RASGRP3: variants seen among roughly 807,000 people sequenced by gnomAD.
The protein encoded by RASGRP3 is ras guanyl-releasing protein 3.
RASGRP3 carries 54 observed loss-of-function variants against 82.7 expected under a neutral mutation model. The observed-to-expected ratio is 0.65, with a 90% CI of 0.52 to 0.82. The LOEUF is 0.82. RASGRP3 is among the 40% of genes least tolerant of loss of function. The pLI, the probability that RASGRP3 is intolerant of heterozygous loss-of-function variation, is 0.00. For missense variants in RASGRP3, 861 were observed against 828.9 expected (o/e 1.04, Z -0.48); for synonymous variants, 309 against 300.5 (o/e 1.03, Z -0.29).
intron 2 of RASGRP3, among the ~76,000 whole-genome samples, chr2:33,453,912 T>C (rs1665918549): frequency 6.6e-6 from 1 of 152,216 alleles, no homozygotes; most frequent in African/African-American, 2.4e-5. Context: ...TTTTTTGGGT[T>C]AAACAAGAGA....
intron 7 of RASGRP3, among the ~76,000 whole-genome samples, chr2:33,522,545 AGGTTGTT>A (rs1452982362): frequency 6.6e-6 from 1 of 152,220 alleles, no homozygotes; most frequent in Non-Finnish European, 1.5e-5. Flanking sequence ...TCTCAACATC[AGGTTGTT>A]TCTTTCCCAG....
rs188309107 is a variant in RASGRP3 at position 33,446,390 on chromosome 2, C to T, written c.-384-1430C>T. ...GCCAGGATGGTCTCGATCTCCTGACCTCATGATCCACCCGCCTCGGCCTCC... is the reference window on the plus strand; with the variant it reads ...GCCAGGATGGTCTCGATCTCCTGACTTCATGATCCACCCGCCTCGGCCTCC... On this transcript the variant is annotated intron_variant, in intron 1 of 18. Transcript: ENST00000402538. Among the ~76,000 whole-genome samples the T allele has an allele frequency of 1.1e-3, 171 of 152,254 alleles. 2 individuals are homozygous for T. The highest frequency in any genetic ancestry group is 3.9e-3 in the African/African-American group (162 of 41,558).
chr2:33,549,336 CCACAT>C (rs1675147767), intron 13 of RASGRP3, among the ~76,000 whole-genome samples: 1 of 135,872 alleles, frequency 7.4e-6, no homozygotes, highest in South Asian at 2.3e-4. Flanking sequence ...GGTGCACAGG[CCACAT>C]GTGTGCTTAC....
rs1676304504 is a variant in RASGRP3, at chr2:33,558,782, C to T, written c.1816C>T (p.Gln606Ter). The change falls in exon 17 of 18, where the codon CAG (glutamine) becomes TAG (stop). Residue 606 changes from glutamine (Q) to a stop codon, truncating the protein, a stop_gained. Transcript: ENST00000403687. LOFTEE classifies it high-confidence loss of function. ...GSSRKISVRL[Q>*]RATTSQATQT... is the part of the protein sequence containing the mutation. The stretch of plus-strand genomic sequence containing the variant: ...TTCTCGCAAGATCTCTGTGAGGCTA[C>T]AGAGGGCCACCACCAGCCAGGCCAC... 1 of 1,613,862 alleles carries T rather than the reference C, an allele frequency of 6.2e-7. No homozygotes were observed. The highest frequency in any genetic ancestry group is 1.1e-5 in the South Asian group (1 of 91,082).
intron 2 of RASGRP3, among the ~76,000 whole-genome samples, chr2:33,463,611 T>G (rs1666503261): frequency 6.9e-6 from 1 of 145,150 alleles, no homozygotes; most frequent in African/African-American, 2.7e-5. Context: ...TTTTTTTTTT[T>G]TTTTTGAGAC....
In RASGRP3 at chr2:33,530,587, G is replaced by A. The variant is rs551650529; in HGVS notation, c.1083+3175G>A. On this transcript the variant is annotated intron_variant, in intron 10 of 17. Coordinates refer to ENST00000403687, the MANE Select transcript of RASGRP3 (RefSeq NM_001139488.2). Reference sequence around the variant, plus strand: ...AAACTTCTGCATCCCAGCCTGGGCCGGGTTCCCCTCAAATGGACATTTGCT... The same window carrying A: ...AAACTTCTGCATCCCAGCCTGGGCCAGGTTCCCCTCAAATGGACATTTGCT... 5.9e-4 allele frequency among the ~76,000 whole-genome samples: 89 copies of A among 151,092 alleles called. 1 individual carries two copies. The highest frequency in any genetic ancestry group is 4.9e-3 in the Admixed American group (75 of 15,184).
At chr2:33,561,409 G>T (rs1047036631) in intron 17 of RASGRP3, among the ~76,000 whole-genome samples, 18 of 152,108 alleles carry the variant, frequency 1.2e-4, no homozygotes, top group African/African-American at 4.3e-4. Context: ...CACTGACCAC[G>T]AGTATTTAAT....
At chr2:33,451,108 C>T (rs1665776716) in intron 2 of RASGRP3, among the ~76,000 whole-genome samples, 1 of 151,982 alleles carries the variant, frequency 6.6e-6, no homozygotes, top group Non-Finnish European at 1.5e-5. Context: ...TCGTGATCTG[C>T]CCGCCTCAGC....
At chr2:33,453,312 G>T (rs539186123) in intron 2 of RASGRP3, among the ~76,000 whole-genome samples, 29 of 152,278 alleles carry the variant, frequency 1.9e-4, no homozygotes, top group East Asian at 1.9e-4. Context: ...AAGGGTTTTT[G>T]ATCTCAACTG....
At chr2:33,531,682 CT>C (rs1673119741) in intron 10 of RASGRP3, 1 of 152,252 alleles carries the variant, frequency 6.6e-6, no homozygotes. Context: ...GCTCACACTA[CT>C]AATAAGCAGA....
chr2:33,466,679 C>CA (rs35826724), intron 2 of RASGRP3, among the ~76,000 whole-genome samples: 16,266 of 137,378 alleles, frequency 0.12, 1,041 homozygotes, highest in Admixed American at 0.2. Flanking sequence ...AACTCTGTAT[C>CA]AAAAAAAAAA....
chr2:33,472,305 G>A (rs368728470), upstream of RASGRP3, among the ~76,000 whole-genome samples: 51 of 152,292 alleles, frequency 3.3e-4, no homozygotes, highest in East Asian at 1.2e-3. Flanking sequence ...CAACCGCAGC[G>A]AAATGTACAA....
At chr2:33,528,187 G>T (rs113773832) in intron 10 of RASGRP3, among the ~76,000 whole-genome samples, 1 of 152,058 alleles carries the variant, frequency 6.6e-6, no homozygotes, top group Non-Finnish European at 1.5e-5. Flanking sequence ...CTCTTTATTC[G>T]ATTTTTATCT....
chr2:33,538,744 T>C (rs1191570118), intron 11 of RASGRP3, among the ~76,000 whole-genome samples: 1 of 152,026 alleles, frequency 6.6e-6, no homozygotes, highest in Non-Finnish European at 1.5e-5. Context: ...CCCCAGTTAA[T>C]GTTGAAAAAT....
chr2:33,536,385 T>C (rs1222293428), intron 11 of RASGRP3, among the ~76,000 whole-genome samples: 3 of 150,492 alleles, frequency 2.0e-5, no homozygotes, highest in Non-Finnish European at 4.4e-5. Flanking sequence ...AGAGTAGGTA[T>C]CTCACTCGGA....
chr2:33,523,873 TC>T lies in RASGRP3; in HGVS notation c.517-4del, dbSNP rs762256326. ...AATTCAGAGTCTCTGAATCTTCCTTTCCTAGTTCACTGATTACCAAAGCTAT... is the reference window on the plus strand; with the variant it reads ...AATTCAGAGTCTCTGAATCTTCCTTTCTAGTTCACTGATTACCAAAGCTAT... On this transcript the variant is annotated splice_region_variant and splice_polypyrimidine_tract_variant and intron_variant, in intron 7 of 17. Transcript: ENST00000403687. 2 of 1,604,914 alleles carry T rather than the reference TC, an allele frequency of 1.2e-6. No individual in the cohort carries two copies. The highest frequency in any genetic ancestry group is 8.5e-7 in the Non-Finnish European group (1 of 1,174,068).
At chr2:33,477,589 C>CA (rs1667492259) in intron 1 of RASGRP3, among the ~76,000 whole-genome samples, 2 of 152,346 alleles carry the variant, frequency 1.3e-5, no homozygotes, top group South Asian at 4.1e-4. Flanking sequence ...TTCTCAGGTT[C>CA]ATTCAGCAGT....
chr2:33,509,809 CTGT>C (rs1670760719), intron 1 of RASGRP3, among the ~76,000 whole-genome samples: 1 of 152,190 alleles, frequency 6.6e-6, no homozygotes, highest in Admixed American at 6.5e-5. Flanking sequence ...CTCTAGTATT[CTGT>C]TCGGTGTCTG....
intron 9 of RASGRP3, among the ~76,000 whole-genome samples, chr2:33,525,512 T>C (rs1226916063): frequency 6.6e-6 from 1 of 151,898 alleles, no homozygotes; most frequent in Non-Finnish European, 1.5e-5. Flanking sequence ...AAGGACACTT[T>C]TAGCTGTGAG....
Sources: allele counts gnomAD v4.1 joint callset (sites outside exome capture counted in the v4.1 genomes callset), GRCh38; gene constraint gnomAD v4.1.1; transcripts MANE v1.5; gene names NCBI Gene and HGNC (gene_info 2026-07-23, HGNC 2026-07-21).